CDCP1: variants seen among roughly 807,000 people sequenced by gnomAD.
CDCP1 encodes CUB domain-containing protein 1.
CDCP1 carries 29 observed loss-of-function variants against 60.2 expected under a neutral mutation model. That is an observed-to-expected ratio of 0.48 (90% CI 0.36 to 0.66). CDCP1 has a LOEUF of 0.66. Among genes scored for constraint, CDCP1 ranks in the 30% least tolerant of loss-of-function variants. The probability of loss-of-function intolerance (pLI) is 0.00; values close to 1 mark genes in which losing one functional copy is unlikely to be tolerated. For synonymous variants in CDCP1, 387 were observed against 431.1 expected, an observed-to-expected ratio of 0.90 and a Z score of 1.27; for missense variants, 876 against 1,074.3, an observed-to-expected ratio of 0.82 and a Z score of 2.58.
chr3:45,132,503 C>A (rs1699116924), intron 1 of CDCP1, among the ~76,000 whole-genome samples: 1 of 152,126 alleles, frequency 6.6e-6, no homozygotes, highest in African/African-American at 2.4e-5. Flanking sequence ...GGGGGAGGAA[C>A]AAAAGGCAGC....
At position 45,084,288 on chromosome 3, in the gene CDCP1, T is replaced by C. The variant is rs9863819; in HGVS notation, c.*1350A>G. 0.081 allele frequency: 12,267 copies of C among 152,196 alleles called. 530 individuals are homozygous for C. The highest frequency in any genetic ancestry group is 0.11 in the South Asian group (532 of 4,806). The allele number at this position is 152,196 out of a possible 1,614,324, so 9.4% of individuals were successfully genotyped here. ...AAACATCCCTGTGCGCCAGATCATT[T>C]TGTAGCCTCTCCTGTGGGAGTCAGT... On this transcript the variant is annotated 3_prime_UTR_variant, in exon 9 of 9. Transcript: ENST00000296129.
intron 4 of CDCP1, among the ~76,000 whole-genome samples, chr3:45,102,135 G>A (rs1327471156): frequency 6.6e-6 from 1 of 151,812 alleles, no homozygotes; most frequent in African/African-American, 2.4e-5. Flanking sequence ...ACAATGGTGT[G>A]ATCTCAGCTC....
chr3:45,110,898 G>A, intron 3 of CDCP1, 57 bp from the exon 4 acceptor site: 1 of 1,548,998 alleles, frequency 6.5e-7, no homozygotes, highest in South Asian at 1.2e-5. Context: ...CCCTGTCCTG[G>A]TTGTCTGCAG....
chr3:45,121,718 C>A (rs539365972), intron 1 of CDCP1, among the ~76,000 whole-genome samples: 1 of 152,250 alleles, frequency 6.6e-6, no homozygotes, highest in African/African-American at 2.4e-5. Flanking sequence ...GCAGACCGTG[C>A]AGGGTGAGGG....
In CDCP1 at chr3:45,108,744, C is replaced by T. The variant is rs191890314; in HGVS notation, c.1024+1729G>A. Among the ~76,000 whole-genome samples, 37 of 107,384 alleles carry T rather than the reference C, an allele frequency of 3.4e-4. 1 individual carries two copies. The highest frequency in any genetic ancestry group is 4.4e-4 in the Admixed American group (5 of 11,294). 70.4% of individuals were successfully genotyped at this position (107,384 alleles called of 152,430 possible). ...GTATACATATATATATGCATGTATA[C>T]ATATATATGCATGTATATATATATA... On this transcript the variant is annotated intron_variant, in intron 4 of 8. Coordinates refer to ENST00000296129, the MANE Select transcript of CDCP1 (RefSeq NM_022842.5).
Position 45,086,005 on chromosome 3 carries a change from A to G in CDCP1, c.2144T>C (p.Met715Thr). 6.2e-7 allele frequency: 1 copy of G among 1,614,174 alleles called. No individual in the cohort carries two copies. Among genetic ancestry groups the G allele is most frequent in the African/African-American group, 1.3e-5 (1 of 75,038 alleles). The stretch of plus-strand genomic sequence containing the variant: ...CTGAAACTTTTTTGGCTGCCTCGGC[A>G]TCTCAGTATTGATGTTGTCATTGTA... Reference protein sequence around the residue: ...GIYNDNINTEMPRQPKKFQKG... With the variant: ...GIYNDNINTETPRQPKKFQKG... Residue 715 changes from methionine to threonine, a missense_variant, in exon 9 of 9, where the codon ATG becomes ACG. Coordinates refer to ENST00000296129, the MANE Select transcript of CDCP1 (RefSeq NM_022842.5).
intron 1 of CDCP1, among the ~76,000 whole-genome samples, chr3:45,127,883 C>T (rs1410874854): frequency 6.6e-6 from 1 of 152,214 alleles, no homozygotes; most frequent in Admixed American, 6.5e-5. Context: ...GGGCAAGGTA[C>T]AGCCGTCAGG....
intron 8 of CDCP1, among the ~76,000 whole-genome samples, chr3:45,088,663 A>G (rs919566180): frequency 1.3e-5 from 2 of 152,100 alleles, no homozygotes; most frequent in Non-Finnish European, 2.9e-5. Context: ...GGGACAACAC[A>G]CATTCGTTCT....
chr3:45,119,570 C>A (rs879903399), intron 1 of CDCP1, among the ~76,000 whole-genome samples: 2 of 152,222 alleles, frequency 1.3e-5, no homozygotes, highest in Non-Finnish European at 2.9e-5. Context: ...CTGGTACAAA[C>A]AGCTGGTCGG....
At position 45,118,480 on chromosome 3, in the gene CDCP1, C is replaced by A; in HGVS notation, c.224G>T (p.Arg75Ile). Reference protein sequence around the residue: ...ITMLSIKSGERIVFTFSCQSP... With the variant: ...ITMLSIKSGEIIVFTFSCQSP... ...CTGGCAGCTAAAGGTAAAGACTATT[C>A]TTTCTCCAGACTTGATGGACAACAT... Residue 75 changes from arginine (R) to isoleucine (I), a missense_variant, in exon 2 of 9, where the codon AGA becomes ATA. Transcript: ENST00000296129. The A allele has an allele frequency of 1.9e-6, 3 of 1,614,186 alleles. No individual in the cohort carries two copies. The highest frequency in any genetic ancestry group is 2.5e-6 in the Non-Finnish European group (3 of 1,180,014).
At chr3:45,100,038 G>A (rs1049004862) in intron 4 of CDCP1, among the ~76,000 whole-genome samples, 2 of 152,074 alleles carry the variant, frequency 1.3e-5, no homozygotes, top group Non-Finnish European at 2.9e-5. Flanking sequence ...CTTATTTAAA[G>A]TGAGGCACTA....
At chr3:45,136,673 C>T (rs988796061) in intron 1 of CDCP1, among the ~76,000 whole-genome samples, 12 of 152,250 alleles carry the variant, frequency 7.9e-5, no homozygotes, top group Admixed American at 2.6e-4. Context: ...ACTTCTACTG[C>T]ATCCCTTCTA....
chr3:45,130,307 G>C (rs1373340253), intron 1 of CDCP1, among the ~76,000 whole-genome samples: 1 of 151,352 alleles, frequency 6.6e-6, no homozygotes, highest in African/African-American at 2.5e-5. Context: ...TTTTTGTAGA[G>C]CCAGGGTATC....
intron 3 of CDCP1, among the ~76,000 whole-genome samples, chr3:45,111,567 T>G (rs1698694311): frequency 6.6e-6 from 1 of 152,104 alleles, no homozygotes; most frequent in African/African-American, 2.4e-5. Context: ...TCCCAGCTAC[T>G]TGGGAGGCTG....
rs923763799 is a variant in CDCP1, at chr3:45,118,416, A to G, written c.288T>C (p.Asn96=). ...ENHFVIEIQK[N]IDCMSGPCPF... is the part of the protein sequence containing the mutation. ...AGCTCACAAGTGTCTACTTACCAAT[A>G]TTTTTCTGGATCTCTATGACAAAGT... Residue 96 remains asparagine, a synonymous_variant, in exon 2 of 9, where the codon AAT becomes AAC. Coordinates refer to ENST00000296129, the MANE Select transcript of CDCP1 (RefSeq NM_022842.5). 7 of 1,612,092 alleles carry G rather than the reference A, an allele frequency of 4.3e-6. No individual in the cohort carries two copies. In the African/African-American group the frequency reaches 6.7e-5, roughly 15 times the overall value.
At chr3:45,138,713 G>A (rs1410450936) in intron 1 of CDCP1, among the ~76,000 whole-genome samples, 1 of 152,174 alleles carries the variant, frequency 6.6e-6, no homozygotes, top group African/African-American at 2.4e-5. Context: ...GCCGGAGGTG[G>A]TGGCAGGCGC....
intron 1 of CDCP1, among the ~76,000 whole-genome samples, chr3:45,134,367 C>A (rs1032461996): frequency 6.6e-6 from 1 of 152,172 alleles, no homozygotes; most frequent in Non-Finnish European, 1.5e-5. Flanking sequence ...CTCGTGATCT[C>A]CCCGCCTTGG....
intron 4 of CDCP1, among the ~76,000 whole-genome samples, chr3:45,095,867 A>T (rs1204025919): frequency 6.6e-6 from 1 of 152,244 alleles, no homozygotes; most frequent in Non-Finnish European, 1.5e-5. Context: ...AGGTGCTACA[A>T]ATAAGGTTAA....
intron 3 of CDCP1, 102 bp downstream of exon 3, chr3:45,111,981 T>C: frequency 1.4e-6 from 2 of 1,401,538 alleles, no homozygotes; most frequent in Non-Finnish European, 1.9e-6. Flanking sequence ...GGTTTTTATA[T>C]TGAGTATTAG....
Sources: gnomAD v4.1 joint callset for allele counts (sites outside exome capture counted in the v4.1 genomes callset) on GRCh38, gnomAD v4.1.1 for gene constraint, MANE v1.5 for transcripts, NCBI Gene and HGNC (gene_info 2026-07-23, HGNC 2026-07-21) for gene names.